Variants in DIP2B observed in about 807,000 individuals in gnomAD.
DIP2B encodes disco-interacting protein 2 homolog B.
A neutral mutation model predicts 198.0 loss-of-function variants in DIP2B; 76 were observed. That is an observed-to-expected ratio of 0.38 (90% CI 0.32 to 0.46). The LOEUF (loss-of-function observed/expected upper bound fraction) is 0.46. Ranked by LOEUF, DIP2B falls within the 20% of genes least tolerant of loss-of-function variation. The probability of loss-of-function intolerance (pLI) is 0.99; values close to 1 mark genes in which losing one functional copy is unlikely to be tolerated. For missense variants in DIP2B, 1,559 were observed against 1,978.4 expected, an observed-to-expected ratio of 0.79 and a Z score of 4.02; for synonymous variants, 701 against 739.1, an observed-to-expected ratio of 0.95 and a Z score of 0.84.
chr12:50,746,815 T>C lies in DIP2B; in HGVS notation c.*1976T>C, dbSNP rs959005700. ...ACAAAGCAGGGGATCCTGAAGCTGA[T>C]ATAAATAAGTCTAGCTCTATAATCC... is the stretch of plus-strand genomic sequence containing the variant. On this transcript the variant is annotated 3_prime_UTR_variant, in exon 38 of 38. Coordinates refer to ENST00000301180, the MANE Select transcript of DIP2B (RefSeq NM_173602.3). 1 of 152,182 alleles carries C rather than the reference T, an allele frequency of 6.6e-6. No homozygotes were observed. The highest frequency in any genetic ancestry group is 2.4e-5 in the African/African-American group (1 of 41,446). The allele number at this position is 152,182 out of a possible 1,614,324, so 9.4% of individuals were successfully genotyped here.
At chr12:50,600,777 T>G (rs1358520076) in intron 1 of DIP2B, among the ~76,000 whole-genome samples, 1 of 152,126 alleles carries the variant, frequency 6.6e-6, no homozygotes, top group Non-Finnish European at 1.5e-5. Context: ...GTTTCTCAAT[T>G]CATTGATTTG....
intron 1 of DIP2B, among the ~76,000 whole-genome samples, chr12:50,601,414 G>C (rs529524728): frequency 6.6e-6 from 1 of 151,416 alleles, no homozygotes; most frequent in Admixed American, 6.6e-5. Flanking sequence ...GCGCGATCTC[G>C]ACTCACTGCA....
chr12:50,578,568 C>T (rs1276730392), intron 1 of DIP2B, among the ~76,000 whole-genome samples: 1 of 132,640 alleles, frequency 7.5e-6, no homozygotes, highest in Non-Finnish European at 1.5e-5. Context: ...AGTGCAGTGG[C>T]GCAATCTCGG....
chr12:50,580,086 G>A (rs1336039759), intron 1 of DIP2B, among the ~76,000 whole-genome samples: 1 of 148,766 alleles, frequency 6.7e-6, no homozygotes, highest in East Asian at 2.4e-4. Flanking sequence ...TTGCTTGTGT[G>A]TACATTCAGA....
chr12:50,562,600 A>T (rs1483652424), intron 1 of DIP2B, among the ~76,000 whole-genome samples: 1 of 151,992 alleles, frequency 6.6e-6, no homozygotes, highest in African/African-American at 2.4e-5. Flanking sequence ...AGGCATGGTG[A>T]TGTGCTCCTG....
At chr12:50,515,483 C>T (rs1376322099) in intron 1 of DIP2B, among the ~76,000 whole-genome samples, 1 of 152,078 alleles carries the variant, frequency 6.6e-6, no homozygotes, top group Non-Finnish European at 1.5e-5. Context: ...CCTGCCTTGG[C>T]CTCCAAAATG....
intron 3 of DIP2B, among the ~76,000 whole-genome samples, chr12:50,644,390 A>G (rs1001637244): frequency 6.6e-6 from 1 of 152,228 alleles, no homozygotes; most frequent in South Asian, 2.1e-4. Context: ...CAAACAAAAC[A>G]ACAAAAATAA....
intron 3 of DIP2B, among the ~76,000 whole-genome samples, chr12:50,641,747 A>T (rs763820385): frequency 3.1e-4 from 47 of 152,114 alleles, no homozygotes; most frequent in Non-Finnish European, 5.1e-4. Flanking sequence ...TGTGGCTTTG[A>T]TAAGCAGAGG....
At chr12:50,675,299 AT>A in intron 6 of DIP2B, 29 bp from the exon 7 acceptor site, 1 of 1,606,352 alleles carries the variant, frequency 6.2e-7, no homozygotes, top group Middle Eastern at 1.7e-4. Flanking sequence ...CAGTCAATGA[AT>A]TTTAACTTAA....
chr12:50,642,681 C>T (rs868205636), intron 3 of DIP2B, among the ~76,000 whole-genome samples: 11 of 152,018 alleles, frequency 7.2e-5, no homozygotes, highest in African/African-American at 1.2e-4. Flanking sequence ...CCCAGCTCCT[C>T]GGGAGGCTGA....
chr12:50,717,454 C>T (rs1939748679), intron 23 of DIP2B, among the ~76,000 whole-genome samples: 1 of 150,148 alleles, frequency 6.7e-6, no homozygotes, highest in East Asian at 2.0e-4. Context: ...CAAGCTTCGC[C>T]TCCTGGGTTG....
At chr12:50,655,111 T>A in intron 3 of DIP2B, 1 of 411,740 alleles carries the variant, frequency 2.4e-6, no homozygotes, top group Non-Finnish European at 4.9e-6. Context: ...CTGTAAAATA[T>A]TAGAAACATC....
At chr12:50,584,328 A>G (rs1030207159) in intron 1 of DIP2B, among the ~76,000 whole-genome samples, 1 of 152,020 alleles carries the variant, frequency 6.6e-6, no homozygotes, top group Non-Finnish European at 1.5e-5. Context: ...AGCCATCTTA[A>G]ATTTTTCCCT....
intron 14 of DIP2B, among the ~76,000 whole-genome samples, chr12:50,694,937 G>T (rs1592131478): frequency 1.3e-5 from 2 of 151,994 alleles, no homozygotes; most frequent in Admixed American, 1.3e-4. Context: ...ACAAGTTACA[G>T]ATATATGTAT....
At chr12:50,654,389 CTG>C (rs1294904706) in intron 3 of DIP2B, among the ~76,000 whole-genome samples, 1 of 147,922 alleles carries the variant, frequency 6.8e-6, no homozygotes, top group African/African-American at 2.5e-5. Context: ...GAGTGTAACT[CTG>C]TTGCCCAGGC....
At chr12:50,588,298 T>C (rs1958788116) in intron 1 of DIP2B, among the ~76,000 whole-genome samples, 1 of 152,002 alleles carries the variant, frequency 6.6e-6, no homozygotes, top group Non-Finnish European at 1.5e-5. Flanking sequence ...ATTACAGGCA[T>C]GTGCTACCAG....
chr12:50,721,221 T>A (rs949870280), intron 25 of DIP2B, 52 bp from the exon 26 acceptor site: 45 of 1,594,424 alleles, frequency 2.8e-5, no homozygotes, highest in Non-Finnish European at 3.8e-5. Flanking sequence ...TGCTTATTAC[T>A]GTTTATTTCC....
chr12:50,586,381 A>G (rs1206694015), intron 1 of DIP2B, among the ~76,000 whole-genome samples: 1 of 152,180 alleles, frequency 6.6e-6, no homozygotes, highest in Non-Finnish European at 1.5e-5. Context: ...AGTGGCAGTC[A>G]AGGAGAATGC....
intron 1 of DIP2B, among the ~76,000 whole-genome samples, chr12:50,515,755 C>T (rs190641410): frequency 6.6e-6 from 1 of 152,132 alleles, no homozygotes; most frequent in Non-Finnish European, 1.5e-5. Context: ...TGGCTGTGCA[C>T]GTGGTTCCCT....
Sources: gnomAD v4.1 joint callset for allele counts (sites outside exome capture counted in the v4.1 genomes callset) on GRCh38, gnomAD v4.1.1 for gene constraint, MANE v1.5 for transcripts, NCBI Gene and HGNC (gene_info 2026-07-23, HGNC 2026-07-21) for gene names.